The following PHB1 variants were observed in gnomAD, a reference collection of about 807,000 sequenced individuals.
PHB1 encodes the protein epididymis luminal protein 215.
At chr17:49,409,885 T>C in the PHB1 span, among the ~76,000 whole-genome samples, 2 of 151,940 alleles carry the variant, frequency 1.3e-5, no homozygotes, top group Non-Finnish European at 2.9e-5. Context: ...CTACAATTTT[T>C]ATTTATGTAT....
At chr17:49,408,666 A>C in the PHB1 span, 1 of 167,110 alleles carries the variant, frequency 6.0e-6, no homozygotes, top group Non-Finnish European at 1.3e-5. Context: ...TCAGGCTGGG[A>C]GGTCTGTGCT....
At chr17:49,405,103 G>A in the PHB1 span, 11 of 1,613,236 alleles carry the variant, frequency 6.8e-6, no homozygotes, top group South Asian at 1.1e-5. Context: ...TGCGCAGCTC[G>A]ATCAGGCCAT....
the PHB1 span, among the ~76,000 whole-genome samples, chr17:49,411,242 C>T: frequency 1.3e-5 from 2 of 150,188 alleles, no homozygotes; most frequent in South Asian, 2.1e-4. Flanking sequence ...ACTCTGTTGC[C>T]CAGGCTGCAG....
the PHB1 span, chr17:49,412,171 A>C: frequency 4.4e-6 from 1 of 228,506 alleles, no homozygotes. Context: ...AAAACTTCTA[A>C]AACTCAGTGA....
chr17:49,406,712 C>T, the PHB1 span: 625 of 1,345,232 alleles, frequency 4.6e-4, 5 homozygotes, highest in South Asian at 6.3e-3. Flanking sequence ...AGCTGAGTGC[C>T]GGAGAAAGGG....
chr17:49,413,232 C>T, the PHB1 span: 2 of 1,611,162 alleles, frequency 1.2e-6, no homozygotes, highest in Non-Finnish European at 1.7e-6. Flanking sequence ...CCAGGCCAAA[C>T]TTGCCAATGG....
chr17:49,408,445 T>C, the PHB1 span, among the ~76,000 whole-genome samples: 1 of 152,232 alleles, frequency 6.6e-6, no homozygotes, highest in Admixed American at 6.5e-5. Context: ...CCTGCCTGCA[T>C]TGCTTTCTGA....
At chr17:49,404,781 A>G in the PHB1 span, 1 of 582,136 alleles carries the variant, frequency 1.7e-6, no homozygotes, top group Non-Finnish European at 3.1e-6. Flanking sequence ...AGGGAGGTGG[A>G]TAAAAAAGTA....
At chr17:49,412,960 C>T in the PHB1 span, 2 of 497,686 alleles carry the variant, frequency 4.0e-6, no homozygotes, top group African/African-American at 1.9e-5. Flanking sequence ...GGCTGGGAAG[C>T]TCTTTTTGAA....
At chr17:49,412,568 T>C in the PHB1 span, 1 of 152,608 alleles carries the variant, frequency 6.6e-6, no homozygotes, top group Non-Finnish European at 1.5e-5. Context: ...CATGTGAAAG[T>C]GTCAGAATGT....
the PHB1 span, chr17:49,411,713 C>T: frequency 2.7e-5 from 44 of 1,613,926 alleles, no homozygotes; most frequent in African/African-American, 6.7e-5. Flanking sequence ...ATTACGTGGT[C>T]GAGAACGGCA....
At chr17:49,406,335 T>G in the PHB1 span, among the ~76,000 whole-genome samples, 1 of 152,214 alleles carries the variant, frequency 6.6e-6, no homozygotes, top group Non-Finnish European at 1.5e-5. Flanking sequence ...TCCCATCACA[T>G]TCTTTGACAC....
At chr17:49,413,326 A>C in the PHB1 span, 1 of 1,223,042 alleles carries the variant, frequency 8.2e-7, no homozygotes, top group Non-Finnish European at 1.2e-6. Flanking sequence ...ATCAAACTTG[A>C]TGCCAAATCC....
chr17:49,409,268 GC>G, the PHB1 span: 1 of 1,604,816 alleles, frequency 6.2e-7, no homozygotes, highest in South Asian at 1.1e-5. Flanking sequence ...AGCGCTTCCT[GC>G]CACCTGGCAC....
the PHB1 span, chr17:49,413,342 G>A: frequency 1.0e-6 from 1 of 1,004,004 alleles, no homozygotes; most frequent in South Asian, 1.3e-5. Context: ...AATCCTCAGA[G>A]AAGGCCCTCT....
At chr17:49,413,375 C>A in the PHB1 span, 1 of 725,832 alleles carries the variant, frequency 1.4e-6, no homozygotes, top group Non-Finnish European at 2.4e-6. Flanking sequence ...AGTCACTTTT[C>A]AACCTGGCTA....
the PHB1 span, among the ~76,000 whole-genome samples, chr17:49,405,913 G>A: frequency 6.6e-6 from 1 of 152,316 alleles, no homozygotes; most frequent in Non-Finnish European, 1.5e-5. Context: ...GATCTCCTAG[G>A]CTTGCCCTAC....
At chr17:49,405,082 A>T in the PHB1 span, 2 of 1,610,166 alleles carry the variant, frequency 1.2e-6, no homozygotes, top group Non-Finnish European at 1.7e-6. Context: ...TGTCCTCTGC[A>T]GCTTCCAGCT....
the PHB1 span, chr17:49,408,765 G>A: frequency 2.8e-6 from 1 of 355,302 alleles, no homozygotes; most frequent in Admixed American, 4.4e-5. Context: ...TCACTCTCTG[G>A]GTAACAGTTT....
Sources: allele counts gnomAD v4.1 joint callset (sites outside exome capture counted in the v4.1 genomes callset), GRCh38; gene constraint gnomAD v4.1.1; transcripts MANE v1.5; gene names NCBI Gene and HGNC (gene_info 2026-07-23, HGNC 2026-07-21).